Variants in CREM observed in about 807,000 individuals in gnomAD.
CREM encodes the protein cAMP-responsive element modulator.
A neutral mutation model predicts 37.3 loss-of-function variants in CREM; 13 were observed. The observed-to-expected ratio is 0.35, with a 90% CI of 0.23 to 0.55. The LOEUF (loss-of-function observed/expected upper bound fraction) is 0.55. CREM is among the 20% of genes least tolerant of loss of function. CREM has a pLI of 0.88. For synonymous variants in CREM, 124 were observed against 120.2 expected (o/e 1.03, Z -0.21); for missense variants, 296 against 362.3 (o/e 0.82, Z 1.49).
intron 3 of CREM, among the ~76,000 whole-genome samples, chr10:35,150,739 T>C (rs2092540043): frequency 6.6e-6 from 1 of 152,066 alleles, no homozygotes; most frequent in South Asian, 2.1e-4. Flanking sequence ...GAGAATCACT[T>C]GAACCCAGGA....
chr10:35,133,558 G>A (rs1193536106), intron 1 of CREM, among the ~76,000 whole-genome samples: 3 of 152,060 alleles, frequency 2.0e-5, no homozygotes, highest in South Asian at 2.1e-4. Context: ...CTTGGCCTCC[G>A]AAAATGCTGG....
Position 35,212,838 on chromosome 10 carries a change from A to C in CREM, c.*1440A>C, listed in dbSNP as rs1342099879. The C allele has an allele frequency of 6.5e-6, 1 of 152,742 alleles. No homozygotes were observed. The highest frequency in any genetic ancestry group is 1.5e-5 in the Non-Finnish European group (1 of 68,034). 9.5% of individuals were successfully genotyped at this position (152,742 alleles called of 1,614,324 possible). A position where few individuals can be genotyped will look rare whatever the true frequency, so the allele number is the denominator to read the frequency against. On this transcript the variant is annotated 3_prime_UTR_variant, in exon 8 of 8. Transcript: ENST00000685392. ...TGCTTCAAAGTCCACATTAGATCAG[A>C]TACTCCGCTGTCGGCACATTCAGCT...
At chr10:35,132,475 A>G (rs1162176428) in intron 1 of CREM, among the ~76,000 whole-genome samples, 1 of 152,210 alleles carries the variant, frequency 6.6e-6, no homozygotes, top group South Asian at 2.1e-4. Flanking sequence ...CAGGTGTCTC[A>G]GGCAATTAAA....
At chr10:35,138,015 T>C (rs2090844521) in intron 2 of CREM, 136 bp downstream of exon 2, 1 of 522,942 alleles carries the variant, frequency 1.9e-6, no homozygotes, top group Non-Finnish European at 3.0e-6. Context: ...ACTCAAATTA[T>C]TCAGCCATTC....
rs113264077 is a variant in CREM at position 35,159,935 on chromosome 10, A to G, written c.168+11444A>G. Among the ~76,000 whole-genome samples, 13 of 152,386 alleles carry G rather than the reference A, an allele frequency of 8.5e-5. 1 individual carries two copies. Among genetic ancestry groups the G allele is most frequent in the African/African-American group, 2.9e-4 (12 of 41,594 alleles). On this transcript the variant is annotated intron_variant, in intron 3 of 7. Coordinates refer to ENST00000685392, the MANE Select transcript of CREM (RefSeq NM_183011.2). ...GAATAGATTTTTCTCAAAAGAAGAC[A>G]TAAAAATGGCCAAGTACAGTCATTC...
intron 1 of CREM, among the ~76,000 whole-genome samples, chr10:35,132,621 A>C (rs1180787278): frequency 6.6e-6 from 1 of 152,230 alleles, no homozygotes; most frequent in Non-Finnish European, 1.5e-5. Context: ...TTTTTACATG[A>C]AAGCGTAAAG....
chr10:35,147,103 T>A (rs553726514), intron 2 of CREM, among the ~76,000 whole-genome samples: 7 of 141,484 alleles, frequency 4.9e-5, no homozygotes, highest in Non-Finnish European at 9.0e-5. Flanking sequence ...CAGGCTGGAG[T>A]CCACTGGCGC....
At position 35,137,808 on chromosome 10, in the gene CREM, G is replaced by A; in HGVS notation, c.-28G>A. The A allele has an allele frequency of 6.6e-7, 1 of 1,514,948 alleles. No individual in the cohort carries two copies. Among genetic ancestry groups the A allele is most frequent in the South Asian group, 1.3e-5 (1 of 79,020 alleles). The allele number at this position is 1,514,948 out of a possible 1,614,324, so 93.8% of individuals were successfully genotyped here. A position where few individuals can be genotyped will look rare whatever the true frequency, so the allele number is the denominator to read the frequency against. ...ATAAATAAAGAAAACAGGAAAGGAGGAAAGCATTGATTACAAATATCTTAA... is the reference window on the plus strand; with the variant it reads ...ATAAATAAAGAAAACAGGAAAGGAGAAAAGCATTGATTACAAATATCTTAA... On this transcript the variant is annotated 5_prime_UTR_variant, in exon 2 of 8. Coordinates refer to ENST00000685392, the MANE Select transcript of CREM (RefSeq NM_183011.2).
chr10:35,159,823 A>G (rs2093175294), intron 3 of CREM, among the ~76,000 whole-genome samples: 1 of 152,244 alleles, frequency 6.6e-6, no homozygotes, highest in Non-Finnish European at 1.5e-5. Flanking sequence ...TACATCTGAT[A>G]AGGGGTTAAT....
intron 6 of CREM, chr10:35,196,183 T>TA: frequency 7.3e-7 from 1 of 1,375,506 alleles, no homozygotes; most frequent in South Asian, 1.2e-5. Flanking sequence ...GGCGGGTTCT[T>TA]TACTCTTACT....
At chr10:35,172,714 C>CA (rs897446448) in intron 3 of CREM, among the ~76,000 whole-genome samples, 1 of 152,056 alleles carries the variant, frequency 6.6e-6, no homozygotes, top group Non-Finnish European at 1.5e-5. Context: ...AAAGCACCCC[C>CA]CCGCTGCGTC....
intron 3 of CREM, among the ~76,000 whole-genome samples, chr10:35,149,887 TAAACACAC>T (rs2092448069): frequency 7.1e-5 from 2 of 28,040 alleles, no homozygotes; most frequent in African/African-American, 2.3e-4. Context: ...GCCTTTTGCT[TAAACACAC>T]ACACACACAC....
At chr10:35,135,460 G>A (rs995096472) in intron 1 of CREM, 1 of 152,086 alleles carries the variant, frequency 6.6e-6, no homozygotes, top group South Asian at 2.1e-4. Context: ...ACAGCTCTTA[G>A]AATTTGTCTA....
chr10:35,169,228 G>A (rs1346834831), intron 3 of CREM, among the ~76,000 whole-genome samples: 2 of 152,102 alleles, frequency 1.3e-5, no homozygotes, highest in East Asian at 3.9e-4. Flanking sequence ...TCCTGTTCAT[G>A]AGCATGGAAT....
At chr10:35,187,066 T>A (rs1161972801) in intron 5 of CREM, among the ~76,000 whole-genome samples, 78 of 71,120 alleles carry the variant, frequency 1.1e-3, no homozygotes, top group African/African-American at 4.1e-3. Flanking sequence ...TATATATAAT[T>A]AATATAATAA....
intron 6 of CREM, among the ~76,000 whole-genome samples, chr10:35,206,121 G>A (rs928757070): frequency 3.9e-5 from 6 of 151,918 alleles, no homozygotes; most frequent in East Asian, 1.9e-4. Context: ...GGTGGCAGGC[G>A]CCTGTAGTCC....
chr10:35,153,796 A>G (rs1392539201), intron 3 of CREM, among the ~76,000 whole-genome samples: 1 of 152,214 alleles, frequency 6.6e-6, no homozygotes, highest in Non-Finnish European at 1.5e-5. Flanking sequence ...GGGGGAAGGA[A>G]ACTCTGGAGA....
chr10:35,182,323 C>T (rs553600472), intron 5 of CREM, among the ~76,000 whole-genome samples: 21 of 151,798 alleles, frequency 1.4e-4, no homozygotes, highest in Non-Finnish European at 2.5e-4. Flanking sequence ...AATAGAGGAA[C>T]GTATTTTATT....
chr10:35,208,628 A>C (rs2095593929), intron 7 of CREM, among the ~76,000 whole-genome samples: 2 of 152,162 alleles, frequency 1.3e-5, no homozygotes, highest in South Asian at 4.1e-4. Flanking sequence ...TTCAGCATGT[A>C]TCATTCATTC....
Sources: allele counts gnomAD v4.1 joint callset (sites outside exome capture counted in the v4.1 genomes callset), GRCh38; gene constraint gnomAD v4.1.1; transcripts MANE v1.5; gene names NCBI Gene and HGNC (gene_info 2026-07-23, HGNC 2026-07-21).